The following IL12RB2 variants were observed in gnomAD, a reference collection of about 807,000 sequenced individuals.
The protein encoded by IL12RB2 is interleukin 12 receptor subunit beta 2.
A neutral mutation model predicts 89.4 loss-of-function variants in IL12RB2; 82 were observed. That is an observed-to-expected ratio of 0.92 (90% CI 0.77 to 1.10). The LOEUF is 1.10. Ranked by LOEUF, IL12RB2 falls within the 50% of genes least tolerant of loss-of-function variation. The probability of loss-of-function intolerance (pLI) is 0.00; values close to 1 mark genes in which losing one functional copy is unlikely to be tolerated. For missense variants in IL12RB2, 963 were observed against 1,031.9 expected (o/e 0.93, Z 0.92); for synonymous variants, 368 against 370.1 (o/e 0.99, Z 0.07).
Position 67,347,287 on chromosome 1 carries a change from T to C in IL12RB2, c.1039-3583T>C, listed in dbSNP as rs529895687. Reference sequence around the variant, plus strand: ...CTAGATTATAGACCCTCTTCTTTGATACAGGCTAAGCGCTAACAGATTTTT... The same window carrying C: ...CTAGATTATAGACCCTCTTCTTTGACACAGGCTAAGCGCTAACAGATTTTT... On this transcript the variant is annotated intron_variant, in intron 9 of 16. Coordinates refer to ENST00000674203, the MANE Select transcript of IL12RB2 (RefSeq NM_001374259.2). Among the ~76,000 whole-genome samples, 220 of 152,356 alleles carry C rather than the reference T, an allele frequency of 1.4e-3. 1 individual carries two copies. Among genetic ancestry groups the C allele is most frequent in the Non-Finnish European group, 9.4e-4 (64 of 68,026 alleles).
At chr1:67,387,755 T>C (rs1386616593) in intron 15 of IL12RB2, among the ~76,000 whole-genome samples, 1 of 151,600 alleles carries the variant, frequency 6.6e-6, no homozygotes, top group African/African-American at 2.4e-5. Flanking sequence ...TTTACCATGT[T>C]CCATTTAAAA....
rs749220719 is a variant in IL12RB2 at position 67,329,573 on chromosome 1, G to A, written c.665-14G>A. On this transcript the variant is annotated splice_polypyrimidine_tract_variant and intron_variant, in intron 6 of 16. Coordinates refer to ENST00000674203, the MANE Select transcript of IL12RB2 (RefSeq NM_001374259.2). ...GATCCTGAACCACACTTTTTTGTTT[G>A]TCCTGGTTACTAGTGAGGCCTCTTC... 6 of 1,542,880 alleles carry A rather than the reference G, an allele frequency of 3.9e-6. No homozygotes were observed. The highest frequency in any genetic ancestry group is 1.7e-5 in the Admixed American group (1 of 59,874).
At chr1:67,384,879 C>A (rs1308351543) in intron 14 of IL12RB2, among the ~76,000 whole-genome samples, 1 of 152,222 alleles carries the variant, frequency 6.6e-6, no homozygotes, top group African/African-American at 2.4e-5. Flanking sequence ...CACATCACTA[C>A]CAGCATTTTG....
At chr1:67,337,137 C>T (rs1019207976) in intron 8 of IL12RB2, among the ~76,000 whole-genome samples, 20 of 152,210 alleles carry the variant, frequency 1.3e-4, no homozygotes, top group African/African-American at 4.6e-4. Context: ...CACCTGCCCT[C>T]TACATGTGGG....
intron 8 of IL12RB2, among the ~76,000 whole-genome samples, chr1:67,334,606 G>T (rs1440797272): frequency 6.8e-6 from 1 of 147,490 alleles, no homozygotes; most frequent in Non-Finnish European, 1.5e-5. Context: ...AGCCTCCCGA[G>T]TAGCTGGGAC....
intron 15 of IL12RB2, among the ~76,000 whole-genome samples, chr1:67,389,317 C>A (rs1665552829): frequency 1.4e-5 from 2 of 142,676 alleles, no homozygotes; most frequent in African/African-American, 5.1e-5. Context: ...AAAGGTTAGA[C>A]AAATTGTAAA....
chr1:67,313,221 G>GTAGTAGAATAGC (rs17838099), intron 1 of IL12RB2, among the ~76,000 whole-genome samples: 2 of 152,126 alleles, frequency 1.3e-5, no homozygotes, highest in African/African-American at 4.8e-5. Context: ...AATAGCATCA[G>GTAGTAGAATAGC]ATACGGTTAC....
intron 9 of IL12RB2, among the ~76,000 whole-genome samples, chr1:67,341,655 G>A (rs1558318526): frequency 6.6e-6 from 1 of 152,142 alleles, no homozygotes; most frequent in Non-Finnish European, 1.5e-5. Flanking sequence ...GATGTCAGAT[G>A]GTAGTCATCA....
chr1:67,389,943 A>C, intron 15 of IL12RB2, 86 bp from the exon 16 acceptor site: 1 of 786,756 alleles, frequency 1.3e-6, no homozygotes, highest in East Asian at 2.5e-5. Context: ...AGCAGCCCTT[A>C]CACTGAAGTT....
chr1:67,383,153 C>T (rs1194339035), intron 14 of IL12RB2, among the ~76,000 whole-genome samples: 2 of 152,158 alleles, frequency 1.3e-5, no homozygotes, highest in Non-Finnish European at 2.9e-5. Flanking sequence ...CAAACATGTC[C>T]TTCACAAGGT....
intron 10 of IL12RB2, among the ~76,000 whole-genome samples, 156 bp downstream of exon 10, chr1:67,351,245 A>G (rs1660806432): frequency 6.6e-6 from 1 of 151,992 alleles, no homozygotes; most frequent in Admixed American, 6.6e-5. Context: ...TTTTCCAATC[A>G]GCCTATGAGT....
chr1:67,335,029 C>T (rs4655699), intron 8 of IL12RB2, among the ~76,000 whole-genome samples: 68,769 of 152,076 alleles, frequency 0.45, 19,276 homozygotes, highest in Non-Finnish European at 0.6. Context: ...AGTAACAGTC[C>T]CTAAACCCTT....
At chr1:67,391,950 G>A (rs1296940792) in intron 16 of IL12RB2, among the ~76,000 whole-genome samples, 1 of 152,122 alleles carries the variant, frequency 6.6e-6, no homozygotes, top group Non-Finnish European at 1.5e-5. Context: ...GCATGAGGTT[G>A]TATGATTATC....
At position 67,336,585 on chromosome 1, in the gene IL12RB2, A is replaced by G. The variant is rs149207712; in HGVS notation, c.959-2039A>G. Among the ~76,000 whole-genome samples, 944 of 152,360 alleles carry G rather than the reference A, an allele frequency of 6.2e-3. 9 individuals are homozygous for G. Among genetic ancestry groups the G allele is most frequent in the African/African-American group, 0.021 (869 of 41,582 alleles). On this transcript the variant is annotated intron_variant, in intron 8 of 16. Transcript: ENST00000674203. ...GTAAATACTACTGCAAAGGAGAGAA[A>G]AGAAAAGAAGTGAATGTTTAGAAAA...
At position 67,340,465 on chromosome 1, in the gene IL12RB2, C is replaced by T. The variant is rs535511860; in HGVS notation, c.1038+1762C>T. Among the ~76,000 whole-genome samples, 40 of 152,328 alleles carry T rather than the reference C, an allele frequency of 2.6e-4. No homozygotes were observed. In the South Asian group the frequency reaches 3.7e-3, roughly 14 times the overall value. ...AACAGTGATCTGGAAAGATATGCTA[C>T]GTGTTAATCTATTCCACGCCTCTCA... On this transcript the variant is annotated intron_variant, in intron 9 of 16. Transcript: ENST00000674203.
intron 4 of IL12RB2, among the ~76,000 whole-genome samples, chr1:67,322,154 A>G (rs1656631787): frequency 6.6e-6 from 1 of 152,086 alleles, no homozygotes; most frequent in Non-Finnish European, 1.5e-5. Context: ...GAAAAAATGG[A>G]TCTCTGCAGG....
At chr1:67,372,570 G>C (rs957464852) in intron 12 of IL12RB2, 36 bp downstream of exon 12, 1 of 1,608,400 alleles carries the variant, frequency 6.2e-7, no homozygotes. Context: ...TTTTGCTTTA[G>C]TTTAATGATT....
chr1:67,331,081 T>C (rs1490927842), intron 8 of IL12RB2, among the ~76,000 whole-genome samples: 3 of 152,250 alleles, frequency 2.0e-5, no homozygotes, highest in African/African-American at 7.2e-5. Flanking sequence ...GGTTATAACT[T>C]ATCTCTCTTA....
chr1:67,366,143 C>T (rs1233185607), intron 10 of IL12RB2, among the ~76,000 whole-genome samples: 1 of 152,076 alleles, frequency 6.6e-6, no homozygotes, highest in African/African-American at 2.4e-5. Context: ...TGAAAAGAAG[C>T]TTAGCTTCAT....
Sources: allele counts gnomAD v4.1 joint callset (sites outside exome capture counted in the v4.1 genomes callset), GRCh38; gene constraint gnomAD v4.1.1; transcripts MANE v1.5; gene names NCBI Gene and HGNC (gene_info 2026-07-23, HGNC 2026-07-21).